The following PSMD14 variants were observed in gnomAD, a reference collection of about 807,000 sequenced individuals.
PSMD14 encodes ubiquitin C-terminal hydrolase PSMD14.
A neutral mutation model predicts 41.2 loss-of-function variants in PSMD14; 7 were observed. The ratio of observed to expected loss-of-function variants is 0.17; its 90% confidence interval spans 0.10 to 0.32. The LOEUF (loss-of-function observed/expected upper bound fraction) is 0.32. Ranked by LOEUF, PSMD14 falls within the 10% of genes least tolerant of loss-of-function variation. PSMD14 has a pLI of 1.00. For synonymous variants in PSMD14, 114 were observed against 122.3 expected, an observed-to-expected ratio of 0.93 and a Z score of 0.45; for missense variants, 139 against 375.6, an observed-to-expected ratio of 0.37 and a Z score of 5.21.
intron 3 of PSMD14, among the ~76,000 whole-genome samples, chr2:161,321,888 T>A (rs1682613013): frequency 6.6e-6 from 1 of 152,170 alleles, no homozygotes; most frequent in African/African-American, 2.4e-5. Flanking sequence ...GCCAGGGAAC[T>A]CCACCTGGTG....
intron 1 of PSMD14, among the ~76,000 whole-genome samples, chr2:161,312,741 G>A (rs962118728): frequency 1.2e-4 from 18 of 151,976 alleles, no homozygotes; most frequent in Admixed American, 1.2e-3. Context: ...TAGATCCATC[G>A]ACCTTTTTAT....
At chr2:161,401,710 G>A (rs1574143099) in intron 10 of PSMD14, among the ~76,000 whole-genome samples, 1 of 152,088 alleles carries the variant, frequency 6.6e-6, no homozygotes, top group Admixed American at 6.5e-5. Flanking sequence ...TTCTGAAATT[G>A]AATTCTCTGT....
chr2:161,320,651 T>C (rs752108449), intron 3 of PSMD14, among the ~76,000 whole-genome samples: 1 of 152,128 alleles, frequency 6.6e-6, no homozygotes, highest in Admixed American at 6.5e-5. Context: ...CAAATACTTA[T>C]GATGTTACTT....
chr2:161,382,879 A>T (rs570647377), intron 7 of PSMD14: 210 of 151,842 alleles, frequency 1.4e-3, no homozygotes, highest in African/African-American at 4.7e-3. Flanking sequence ...ACCAACCCAT[A>T]CATTAATTAA....
At chr2:161,333,359 A>G (rs1195855867) in intron 3 of PSMD14, among the ~76,000 whole-genome samples, 1 of 152,192 alleles carries the variant, frequency 6.6e-6, no homozygotes, top group Non-Finnish European at 1.5e-5. Flanking sequence ...CAAATTCCTG[A>G]AATTTGGCCA....
intron 10 of PSMD14, among the ~76,000 whole-genome samples, chr2:161,397,000 A>G (rs553605469): frequency 4.2e-4 from 64 of 151,982 alleles, no homozygotes; most frequent in African/African-American, 1.5e-3. Flanking sequence ...GCTAATTTTT[A>G]TATCTTTTAG....
chr2:161,310,662 A>C (rs1461160378), intron 1 of PSMD14, among the ~76,000 whole-genome samples: 1 of 152,204 alleles, frequency 6.6e-6, no homozygotes, highest in Admixed American at 6.5e-5. Context: ...GGCACTATAA[A>C]TTGCTTTGGA....
intron 3 of PSMD14, among the ~76,000 whole-genome samples, chr2:161,331,547 C>T (rs1268240716): frequency 1.3e-5 from 2 of 152,156 alleles, no homozygotes; most frequent in African/African-American, 2.4e-5. Context: ...CGTGAGCCAC[C>T]GCGCCTGGCC....
At chr2:161,347,134 G>A (rs1252631640) in intron 3 of PSMD14, among the ~76,000 whole-genome samples, 3 of 152,082 alleles carry the variant, frequency 2.0e-5, no homozygotes, top group Admixed American at 1.3e-4. Flanking sequence ...CTAGGGTAAG[G>A]CTCACCTCAT....
intron 8 of PSMD14, among the ~76,000 whole-genome samples, chr2:161,387,520 A>AT (rs889241803): frequency 1.6e-4 from 24 of 151,404 alleles, no homozygotes; most frequent in Admixed American, 7.3e-4. Context: ...TTTCTAACAG[A>AT]TTTTTTTTTA....
intron 3 of PSMD14, 60 bp downstream of exon 3, chr2:161,318,933 A>G (rs1442587392): frequency 3.0e-6 from 4 of 1,354,466 alleles, no homozygotes; most frequent in African/African-American, 2.9e-5. Flanking sequence ...TTTTGTAGTT[A>G]GCCAAAGAGA....
chr2:161,371,391 C>T, intron 7 of PSMD14, 69 bp downstream of exon 7: 1 of 1,458,404 alleles, frequency 6.9e-7, no homozygotes, highest in South Asian at 1.4e-5. Flanking sequence ...AAATAAAAAT[C>T]AATTTTGTTC....
chr2:161,322,309 G>A (rs1682619364), intron 3 of PSMD14, among the ~76,000 whole-genome samples: 1 of 152,122 alleles, frequency 6.6e-6, no homozygotes, highest in Non-Finnish European at 1.5e-5. Flanking sequence ...ACCCCACCTT[G>A]AGTCCCAGTG....
intron 3 of PSMD14, among the ~76,000 whole-genome samples, chr2:161,342,565 GA>G (rs1003305133): frequency 1.3e-5 from 2 of 151,300 alleles, no homozygotes; most frequent in Non-Finnish European, 2.9e-5. Flanking sequence ...TAACCTATTT[GA>G]AATAAGTTTC....
chr2:161,359,799 A>G (rs1683263966), intron 3 of PSMD14, among the ~76,000 whole-genome samples: 2 of 152,240 alleles, frequency 1.3e-5, no homozygotes, highest in Admixed American at 6.5e-5. Context: ...AGACTTGGGC[A>G]TCTGAAAATG....
intron 3 of PSMD14, among the ~76,000 whole-genome samples, chr2:161,363,212 C>T (rs992801596): frequency 6.6e-6 from 1 of 152,186 alleles, no homozygotes; most frequent in African/African-American, 2.4e-5. Context: ...GAAACAGTTT[C>T]ATCTCAAAAC....
chr2:161,316,406 AATTAT>A (rs1169743854), intron 1 of PSMD14, 26 bp from the exon 2 acceptor site: 8 of 152,214 alleles, frequency 5.3e-5, no homozygotes, highest in Admixed American at 5.2e-4. Context: ...TTATCAAAAT[AATTAT>A]ATTTTATTTT....
intron 3 of PSMD14, among the ~76,000 whole-genome samples, chr2:161,359,122 C>G (rs894294629): frequency 6.6e-6 from 1 of 152,008 alleles, no homozygotes; most frequent in African/African-American, 2.4e-5. Flanking sequence ...GCACACACCA[C>G]CATGCCTGGC....
At chr2:161,311,114 A>G (rs1452388200) in intron 1 of PSMD14, among the ~76,000 whole-genome samples, 2 of 152,210 alleles carry the variant, frequency 1.3e-5, no homozygotes, top group Non-Finnish European at 2.9e-5. Flanking sequence ...CAGTCTGGCC[A>G]ACATGGCGAA....
Sources: gnomAD v4.1 joint callset for allele counts (sites outside exome capture counted in the v4.1 genomes callset) on GRCh38, gnomAD v4.1.1 for gene constraint, MANE v1.5 for transcripts, NCBI Gene and HGNC (gene_info 2026-07-23, HGNC 2026-07-21) for gene names.